SPOCK1: variants seen among roughly 807,000 people sequenced by gnomAD.
SPOCK1 encodes SPARC (osteonectin), cwcv and kazal like domains proteoglycan 1, also known as testican-1.
In SPOCK1, 23 loss-of-function variants were observed where a neutral mutation model predicts 55.3. That is an observed-to-expected ratio of 0.42 (90% CI 0.30 to 0.59). SPOCK1 has a LOEUF of 0.59. Ranked by LOEUF, SPOCK1 falls within the 20% of genes least tolerant of loss-of-function variation. The pLI is 0.22. For synonymous variants in SPOCK1, 226 were observed against 221.0 expected (o/e 1.02, Z -0.20); for missense variants, 499 against 552.5 (o/e 0.90, Z 0.97).
chr5:137,386,227 G>T (rs1014446022), intron 2 of SPOCK1, among the ~76,000 whole-genome samples: 1 of 152,136 alleles, frequency 6.6e-6, no homozygotes, highest in Non-Finnish European at 1.5e-5. Flanking sequence ...AGAAATCAAA[G>T]AATTAAATTG....
At chr5:137,431,352 C>A (rs1473415964) in intron 2 of SPOCK1, among the ~76,000 whole-genome samples, 1 of 152,186 alleles carries the variant, frequency 6.6e-6, no homozygotes, top group Admixed American at 6.5e-5. Context: ...CCACTGGCTG[C>A]GTGGGGCTGG....
At chr5:137,254,418 A>G (rs951068742) in intron 3 of SPOCK1, among the ~76,000 whole-genome samples, 1 of 152,212 alleles carries the variant, frequency 6.6e-6, no homozygotes, top group Non-Finnish European at 1.5e-5. Flanking sequence ...AAAAATTTAT[A>G]AACTCCACCT....
intron 2 of SPOCK1, among the ~76,000 whole-genome samples, chr5:137,369,741 G>A (rs184571695): frequency 6.6e-6 from 1 of 152,344 alleles, no homozygotes; most frequent in Admixed American, 6.5e-5. Context: ...CCCTCTTCCT[G>A]GCTTGCAGAT....
At chr5:137,183,492 C>A (rs374856284) in intron 3 of SPOCK1, among the ~76,000 whole-genome samples, 1 of 152,120 alleles carries the variant, frequency 6.6e-6, no homozygotes, top group South Asian at 2.1e-4. Context: ...GTTCTCAAAT[C>A]CAACTTCACA....
intron 2 of SPOCK1, among the ~76,000 whole-genome samples, chr5:137,422,074 T>C (rs1021391207): frequency 6.6e-6 from 1 of 152,246 alleles, no homozygotes; most frequent in Non-Finnish European, 1.5e-5. Flanking sequence ...TTTGGCTGGA[T>C]GTGAAATTCT....
intron 2 of SPOCK1, among the ~76,000 whole-genome samples, chr5:137,321,490 A>G (rs1757981333): frequency 1.3e-5 from 2 of 152,220 alleles, no homozygotes; most frequent in Non-Finnish European, 2.9e-5. Context: ...CTCATCACAT[A>G]CAAAGGAGTC....
chr5:137,058,101 C>T (rs2127001274), intron 6 of SPOCK1, among the ~76,000 whole-genome samples: 1 of 152,300 alleles, frequency 6.6e-6, no homozygotes. Context: ...GTACCGAAAG[C>T]ATGGGAAAAT....
At chr5:137,352,480 T>C (rs1253785954) in intron 2 of SPOCK1, among the ~76,000 whole-genome samples, 1 of 152,246 alleles carries the variant, frequency 6.6e-6, no homozygotes, top group African/African-American at 2.4e-5. Flanking sequence ...TTTCTATCTT[T>C]TTCACCAAGT....
intron 9 of SPOCK1, among the ~76,000 whole-genome samples, chr5:136,981,355 T>C (rs1281681484): frequency 1.3e-5 from 2 of 152,268 alleles, no homozygotes; most frequent in Non-Finnish European, 2.9e-5. Flanking sequence ...GGTATTTTAA[T>C]ATTTTTACTT....
At chr5:137,428,111 C>A (rs1752673214) in intron 2 of SPOCK1, among the ~76,000 whole-genome samples, 1 of 152,084 alleles carries the variant, frequency 6.6e-6, no homozygotes, top group Non-Finnish European at 1.5e-5. Context: ...TGACCCAGCA[C>A]AAGTCACTCC....
chr5:137,177,743 A>G (rs573419373), intron 3 of SPOCK1, among the ~76,000 whole-genome samples: 5 of 152,018 alleles, frequency 3.3e-5, no homozygotes, highest in Admixed American at 1.3e-4. Context: ...TTCACTTTGA[A>G]GAGTCTTTTT....
chr5:137,187,150 A>G (rs1755083965), intron 3 of SPOCK1, among the ~76,000 whole-genome samples: 1 of 152,096 alleles, frequency 6.6e-6, no homozygotes, highest in African/African-American at 2.4e-5. Context: ...TGAAAGGATA[A>G]TGCAGCATGC....
At chr5:137,061,272 A>G (rs539282235) in intron 6 of SPOCK1, among the ~76,000 whole-genome samples, 53 of 152,306 alleles carry the variant, frequency 3.5e-4, no homozygotes, top group African/African-American at 1.3e-3. Flanking sequence ...CATTACAGCT[A>G]GGAGGAACTC....
intron 5 of SPOCK1, among the ~76,000 whole-genome samples, chr5:137,104,431 T>C (rs1238342565): frequency 6.6e-6 from 1 of 152,224 alleles, no homozygotes; most frequent in East Asian, 1.9e-4. Context: ...TATTTCTTTA[T>C]AGCAGTGAGA....
chr5:137,317,198 C>G (rs1757894264), intron 2 of SPOCK1, among the ~76,000 whole-genome samples: 1 of 152,164 alleles, frequency 6.6e-6, no homozygotes, highest in African/African-American at 2.4e-5. Context: ...TGTCTCCCTC[C>G]CAGTTTTCAC....
intron 2 of SPOCK1, among the ~76,000 whole-genome samples, chr5:137,464,085 TC>T (rs1258915730): frequency 6.6e-6 from 1 of 152,188 alleles, no homozygotes; most frequent in Non-Finnish European, 1.5e-5. Flanking sequence ...GATCACTTGA[TC>T]CCAGGAGTTT....
chr5:137,029,857 G>A (rs1274456031), intron 6 of SPOCK1, among the ~76,000 whole-genome samples: 1 of 152,126 alleles, frequency 6.6e-6, no homozygotes, highest in African/African-American at 2.4e-5. Context: ...AGAAGAAAGG[G>A]TACTAGAGGA....
chr5:137,102,880 T>C (rs1356305635), intron 5 of SPOCK1, among the ~76,000 whole-genome samples: 3 of 152,224 alleles, frequency 2.0e-5, no homozygotes, highest in East Asian at 1.9e-4. Flanking sequence ...GTGCTTAATA[T>C]GCTCAATAAT....
chr5:137,254,147 G>A (rs970888478), intron 3 of SPOCK1, among the ~76,000 whole-genome samples: 1 of 152,132 alleles, frequency 6.6e-6, no homozygotes, highest in African/African-American at 2.4e-5. Flanking sequence ...GCAGATGCCT[G>A]ACAACATTTA....
Sources: allele counts gnomAD v4.1 joint callset (sites outside exome capture counted in the v4.1 genomes callset), GRCh38; gene constraint gnomAD v4.1.1; transcripts MANE v1.5; gene names NCBI Gene and HGNC (gene_info 2026-07-23, HGNC 2026-07-21).